ABCC3: variants seen among roughly 807,000 people sequenced by gnomAD.
ABCC3 encodes ATP binding cassette subfamily C member 3, also known as ATP-binding cassette sub-family C member 3.
ABCC3 carries 121 observed loss-of-function variants against 165.3 expected under a neutral mutation model. The ratio of observed to expected loss-of-function variants is 0.73; its 90% CI spans 0.63 to 0.85. ABCC3 has a LOEUF of 0.85. ABCC3 is among the 40% of genes least tolerant of loss of function. The pLI is 0.00. For missense variants in ABCC3, 1,869 were observed against 1,964.1 expected (o/e 0.95, Z 0.92); for synonymous variants, 733 against 810.1 (o/e 0.90, Z 1.62).
rs759141288 is a variant in ABCC3 at position 50,684,040 on chromosome 17, T to C, written c.4046T>C (p.Ile1349Thr). The C allele has an allele frequency of 8.7e-6, 14 of 1,612,854 alleles. No homozygotes were observed. Among genetic ancestry groups the C allele is most frequent in the South Asian group, 3.3e-5 (3 of 90,940 alleles). Residue 1349 changes from isoleucine (I) to threonine (T), a missense_variant, in exon 28 of 31, where the codon ATT becomes ACT. Physicochemically the swap from Ile to Thr is moderately conservative, Grantham distance 89. Transcript: ENST00000285238. ...GAGGCGGCAAAGGGTGAAATCCGCATTGATGGCCTCAATGTGGCAGACATC... is the reference window on the plus strand; with the variant it reads ...GAGGCGGCAAAGGGTGAAATCCGCACTGATGGCCTCAATGTGGCAGACATC... ...ILEAAKGEIR[I>T]DGLNVADIGL... is the part of the protein sequence containing the mutation.
chr17:50,657,976 G>A, intron 4 of ABCC3, 106 bp from the exon 5 acceptor site: 1 of 1,525,286 alleles, frequency 6.6e-7, no homozygotes, highest in Admixed American at 1.9e-5. Context: ...CCCAGGTGCT[G>A]CCTCCTGCCC....
At chr17:50,635,250 G>A (rs781747370) in intron 1 of ABCC3, 7 of 627,526 alleles carry the variant, frequency 1.1e-5, no homozygotes, top group African/African-American at 1.8e-5. Flanking sequence ...AAGAGTGCGC[G>A]GCTGGGGCGC....
Position 50,669,546 on chromosome 17 carries a change from A to G in ABCC3, c.2241+18A>G. 1 of 1,612,570 alleles carries G rather than the reference A, an allele frequency of 6.2e-7. No homozygotes were observed. The highest frequency in any genetic ancestry group is 8.5e-7 in the Non-Finnish European group (1 of 1,178,780). ...GAGAGAAGGTACAGAGTCCTCTTCC[A>G]TCCCTAAGAGGCTAGGGCATAGAGC... is the stretch of plus-strand genomic sequence containing the variant. On this transcript the variant is annotated intron_variant, in intron 17 of 30. Coordinates refer to ENST00000285238, the MANE Select transcript of ABCC3 (RefSeq NM_003786.4).
At chr17:50,663,547 C>T in intron 8 of ABCC3, 134 bp from the exon 9 acceptor site, 1 of 1,054,672 alleles carries the variant, frequency 9.5e-7, no homozygotes, top group African/African-American at 1.6e-5. Context: ...CTCCCTGGCC[C>T]AAGAGGTTGG....
chr17:50,675,236 A>T (rs1396392516), intron 19 of ABCC3, 126 bp from the exon 20 acceptor site: 3 of 594,152 alleles, frequency 5.0e-6, no homozygotes, highest in Non-Finnish European at 8.6e-6. Context: ...TGCCCTTTCA[A>T]TCCCCCTCAT....
At chr17:50,673,900 T>TTTTCTTTCTTTCTCTC (rs1597856632) in intron 19 of ABCC3, among the ~76,000 whole-genome samples, 17 of 131,624 alleles carry the variant, frequency 1.3e-4, no homozygotes, top group East Asian at 9.6e-4. Context: ...TCAGAGCCTG[T>TTTTCTTTCTTTCTCTC]TTTCTTTCTT....
chr17:50,664,928 C>T (rs777692813), intron 10 of ABCC3, among the ~76,000 whole-genome samples: 2 of 151,952 alleles, frequency 1.3e-5, no homozygotes, highest in Admixed American at 6.6e-5. Context: ...GTCTGGACAC[C>T]CTTCTATATC....
chr17:50,670,324 C>T (rs1474103536), intron 17 of ABCC3, among the ~76,000 whole-genome samples: 2 of 152,068 alleles, frequency 1.3e-5, no homozygotes, highest in African/African-American at 4.8e-5. Flanking sequence ...TTCAAGTGAT[C>T]CCCCCGCCTC....
At chr17:50,643,847 G>GT (rs892127318) in intron 1 of ABCC3, among the ~76,000 whole-genome samples, 2 of 129,480 alleles carry the variant, frequency 1.5e-5, no homozygotes, top group South Asian at 2.7e-4. Flanking sequence ...GAGATGCCAT[G>GT]GGGGGGGTCT....
In ABCC3 at chr17:50,667,799, TG is replaced by T. The variant is rs1320785292; in HGVS notation, c.1635+45del. 4.3e-6 allele frequency: 7 copies of T among 1,613,634 alleles called. No individual in the cohort carries two copies. In the Admixed American group the frequency reaches 1.2e-4, roughly 27 times the overall value. ...GGCTGGGTCCCTGCCTCCAGGGCTC[TG>T]GGTGCCCAGGCATGGCCAGGGCTCA... On this transcript the variant is annotated intron_variant, in intron 12 of 30. Transcript: ENST00000285238.
chr17:50,657,408 G>T (rs1339824766), intron 4 of ABCC3, among the ~76,000 whole-genome samples: 2 of 152,238 alleles, frequency 1.3e-5, no homozygotes, highest in Non-Finnish European at 1.5e-5. Context: ...GGACCATCAT[G>T]TGAGGGTAGG....
At chr17:50,679,738 C>T (rs1967894026) in intron 25 of ABCC3, 60 bp from the exon 26 acceptor site, 1 of 1,515,794 alleles carries the variant, frequency 6.6e-7, no homozygotes, top group Admixed American at 1.7e-5. Context: ...GAACTCCTCC[C>T]AAAGCCATTA....
intron 1 of ABCC3, among the ~76,000 whole-genome samples, chr17:50,646,182 A>G (rs992375159): frequency 6.6e-6 from 1 of 152,222 alleles, no homozygotes; most frequent in Admixed American, 6.5e-5. Context: ...TGGTCAGGGT[A>G]GGCTTCATTG....
intron 4 of ABCC3, 64 bp downstream of exon 4, chr17:50,657,247 C>G: frequency 6.3e-7 from 1 of 1,578,874 alleles, no homozygotes; most frequent in Non-Finnish European, 8.6e-7. Flanking sequence ...CCTCAGGGTT[C>G]AAAGTCACTG....
At chr17:50,652,402 A>AT (rs35824469) in intron 1 of ABCC3, among the ~76,000 whole-genome samples, 98,415 of 152,022 alleles carry the variant, frequency 0.65, 32,685 homozygotes, top group Non-Finnish European at 0.72. Flanking sequence ...AGCTTTTAAG[A>AT]TTTTTTTGTT....
At chr17:50,664,583 G>A (rs745906209) in intron 10 of ABCC3, 7 of 203,560 alleles carry the variant, frequency 3.4e-5, no homozygotes, top group Non-Finnish European at 6.0e-5. Context: ...GGTGCCTGTA[G>A]TCACAGCTAC....
intron 26 of ABCC3, among the ~76,000 whole-genome samples, chr17:50,681,074 T>TA (rs74268806): frequency 1.1e-3 from 144 of 136,658 alleles, no homozygotes; most frequent in Middle Eastern, 3.9e-3. Context: ...AGACTCTGTC[T>TA]AAAAAAAAAA....
At position 50,669,534 on chromosome 17, in the gene ABCC3, G is replaced by C. The variant is rs759594003; in HGVS notation, c.2241+6G>C. ...AGACAGAGATTGGAGAGAAGGTACA[G>C]AGTCCTCTTCCATCCCTAAGAGGCT... On this transcript the variant is annotated splice_donor_region_variant and intron_variant, in intron 17 of 30. Transcript: ENST00000285238. 1 of 1,613,866 alleles carries C rather than the reference G, an allele frequency of 6.2e-7. No homozygotes were observed. The highest frequency in any genetic ancestry group is 8.5e-7 in the Non-Finnish European group (1 of 1,179,760).
chr17:50,636,977 A>G (rs2054186499), intron 1 of ABCC3, among the ~76,000 whole-genome samples: 1 of 152,190 alleles, frequency 6.6e-6, no homozygotes, highest in Non-Finnish European at 1.5e-5. Context: ...GGCTGTGGTT[A>G]CAGGGTTGCC....
Sources: allele counts gnomAD v4.1 joint callset (sites outside exome capture counted in the v4.1 genomes callset), GRCh38; gene constraint gnomAD v4.1.1; transcripts MANE v1.5; gene names NCBI Gene and HGNC (gene_info 2026-07-23, HGNC 2026-07-21).